AVEN: variants seen among roughly 807,000 people sequenced by gnomAD.
The protein encoded by AVEN is apoptosis and caspase activation inhibitor.
Under a neutral mutation model 38.1 loss-of-function variants are expected in AVEN, and 41 were observed. The observed-to-expected ratio is 1.08, with a 90% confidence interval of 0.84 to 1.40. The LOEUF (loss-of-function observed/expected upper bound fraction) is 1.40, where lower values mean the gene tolerates loss of function less well. AVEN is among the 40% of genes most tolerant of loss of function. The probability of loss-of-function intolerance (pLI) is 0.00; values close to 1 mark genes in which losing one functional copy is unlikely to be tolerated. For missense variants in AVEN, 605 were observed against 438.8 expected (o/e 1.38, Z -3.38); for synonymous variants, 206 against 171.8 (o/e 1.20, Z -1.56).
intron 1 of AVEN, 50 bp downstream of exon 1, chr15:34,038,730 A>T (rs573746809): frequency 6.2e-6 from 7 of 1,132,048 alleles, no homozygotes; most frequent in Middle Eastern, 3.7e-4. Context: ...CCTCGGCCCC[A>T]CTTGCCCCAG....
At chr15:34,008,041 A>T (rs1285206206) in intron 1 of AVEN, among the ~76,000 whole-genome samples, 7 of 152,110 alleles carry the variant, frequency 4.6e-5, no homozygotes, top group African/African-American at 1.4e-4. Flanking sequence ...ATAAGATCAC[A>T]CTCAGAGGTA....
At chr15:33,899,172 A>G (rs1479278244) in intron 2 of AVEN, among the ~76,000 whole-genome samples, 2 of 152,138 alleles carry the variant, frequency 1.3e-5, no homozygotes, top group South Asian at 2.1e-4. Flanking sequence ...TGTGGTACTC[A>G]CCTCTGCCCC....
intron 2 of AVEN, among the ~76,000 whole-genome samples, chr15:33,910,773 G>C (rs1262567514): frequency 1.3e-5 from 2 of 152,162 alleles, no homozygotes; most frequent in African/African-American, 4.8e-5. Flanking sequence ...AAAGAAATGG[G>C]AGTTTCCTGA....
intron 2 of AVEN, 80 bp from the exon 3 acceptor site, chr15:33,876,075 A>G: frequency 7.3e-7 from 1 of 1,365,350 alleles, no homozygotes; most frequent in Non-Finnish European, 1.0e-6. Context: ...GCTAGAGCAA[A>G]AGTGCCATTT....
chr15:33,909,126 A>C (rs969371481), intron 2 of AVEN, among the ~76,000 whole-genome samples: 2 of 152,064 alleles, frequency 1.3e-5, no homozygotes, highest in Non-Finnish European at 1.5e-5. Context: ...TGAGTTTCTT[A>C]GTGTTCTGGT....
intron 2 of AVEN, among the ~76,000 whole-genome samples, chr15:34,002,435 C>T (rs1311339963): frequency 2.6e-5 from 4 of 152,118 alleles, no homozygotes; most frequent in Admixed American, 2.6e-4. Context: ...CCCAGCACTC[C>T]TCCATTCTTC....
In AVEN at chr15:34,038,835, G is replaced by A. The variant is rs1210430065; in HGVS notation, c.212C>T (p.Ala71Val). ...CGGCTCCCGGCGGCTGCCTCGCGGG[G>A]CGCCTCCTCCTCCTCGGCCTCCGCG... ...GARGGRGGGGAPRGSRREPGG... is the reference protein window; with the variant it reads ...GARGGRGGGGVPRGSRREPGG... Residue 71 changes from alanine (A) to valine (V), a missense_variant, in exon 1 of 6, where the codon GCC becomes GTC. Ala to Val is a moderately conservative substitution (Grantham distance 64). Transcript: ENST00000306730. The A allele has an allele frequency of 1.3e-5, 16 of 1,188,836 alleles. No individual in the cohort carries two copies. The highest frequency in any genetic ancestry group is 4.2e-5 in the Admixed American group (1 of 24,052). The allele number at this position is 1,188,836 out of a possible 1,614,324, so 73.6% of individuals were successfully genotyped here. A position where few individuals can be genotyped will look rare whatever the true frequency, so the allele number is the denominator to read the frequency against.
At chr15:34,066,274 C>G (rs1394902808) in intron 3 of AVEN, 1 of 152,204 alleles carries the variant, frequency 6.6e-6, no homozygotes, top group Non-Finnish European at 1.5e-5. Flanking sequence ...TCTACCAGCG[C>G]CAGATAAACA....
chr15:33,987,845 G>A (rs640291), intron 2 of AVEN, among the ~76,000 whole-genome samples: 142,382 of 152,184 alleles, frequency 0.94, 67,203 homozygotes, highest in Non-Finnish European at 1. Context: ...ATCACACCCT[G>A]GATGCCTAGG....
chr15:34,059,924 T>C (rs1010392467), intron 5 of AVEN, among the ~76,000 whole-genome samples: 2 of 152,186 alleles, frequency 1.3e-5, no homozygotes, highest in East Asian at 1.9e-4. Context: ...TATTCCATGG[T>C]ATCGCCAGCA....
chr15:33,861,599 C>G (rs1233366713), downstream of AVEN, among the ~76,000 whole-genome samples: 1 of 151,872 alleles, frequency 6.6e-6, no homozygotes. Flanking sequence ...CAGTCACTGT[C>G]TTCAATTTTT....
chr15:33,904,868 G>A (rs1892636255), intron 2 of AVEN, among the ~76,000 whole-genome samples: 1 of 151,740 alleles, frequency 6.6e-6, no homozygotes, highest in African/African-American at 2.4e-5. Context: ...GGTGGCTCAC[G>A]CCTGTAATCC....
rs55793582 is a variant in AVEN at position 33,871,774 on chromosome 15, C to CAA, written c.517-746_517-745dup. ...AAGGTTTCAAACGAGCTAGTCTCCT[C>CAA]AAAAAAAAAAAAAAAAAGCCACTTT... On this transcript the variant is annotated intron_variant, in intron 3 of 5. Transcript: ENST00000306730. Among the ~76,000 whole-genome samples, 741 of 91,554 alleles carry CAA rather than the reference C, an allele frequency of 8.1e-3. 6 individuals carry two copies. Among genetic ancestry groups the CAA allele is most frequent in the Admixed American group, 0.012 (103 of 8,242 alleles). 60.1% of individuals were successfully genotyped at this position (91,554 alleles called of 152,430 possible).
chr15:33,955,236 T>C (rs1471211574), intron 2 of AVEN, among the ~76,000 whole-genome samples: 2 of 152,132 alleles, frequency 1.3e-5, no homozygotes, highest in Non-Finnish European at 2.9e-5. Context: ...CAAGGAACTA[T>C]TGAAATATAT....
chr15:34,038,406 C>T (rs1269882762), intron 1 of AVEN, among the ~76,000 whole-genome samples: 3 of 152,216 alleles, frequency 2.0e-5, no homozygotes, highest in African/African-American at 7.2e-5. Context: ...ACGTCGTGGC[C>T]GCGCCTCCGT....
intron 2 of AVEN, among the ~76,000 whole-genome samples, chr15:33,940,782 C>T (rs1023669097): frequency 6.6e-6 from 1 of 152,126 alleles, no homozygotes; most frequent in Non-Finnish European, 1.5e-5. Context: ...CCACGTGATC[C>T]ACCCACTTTG....
chr15:33,958,590 CAAG>C (rs1567433600), intron 2 of AVEN, among the ~76,000 whole-genome samples: 3 of 141,588 alleles, frequency 2.1e-5, no homozygotes, highest in Admixed American at 7.0e-5. Context: ...GACCCTATCT[CAAG>C]AAAAAAAAAA....
chr15:34,073,164 C>G (rs1900663532), intron 1 of AVEN, among the ~76,000 whole-genome samples: 1 of 151,778 alleles, frequency 6.6e-6, no homozygotes, highest in South Asian at 2.1e-4. Flanking sequence ...CCTCAGCCTC[C>G]CGAGTAGCTG....
chr15:33,936,619 G>A (rs1894068610), intron 2 of AVEN, among the ~76,000 whole-genome samples: 1 of 152,074 alleles, frequency 6.6e-6, no homozygotes. Flanking sequence ...GGGGACTTTT[G>A]TCTTGTTTTG....
Sources: gnomAD v4.1 joint callset for allele counts (sites outside exome capture counted in the v4.1 genomes callset) on GRCh38, gnomAD v4.1.1 for gene constraint, MANE v1.5 for transcripts, NCBI Gene and HGNC (gene_info 2026-07-23, HGNC 2026-07-21) for gene names.